Variants in ST8SIA2 observed in about 807,000 individuals in gnomAD.
The protein encoded by ST8SIA2 is alpha-2,8-sialyltransferase 8B.
ST8SIA2 carries 22 observed loss-of-function variants against 37.6 expected under a neutral mutation model. The observed-to-expected ratio is 0.58, with a 90% CI of 0.42 to 0.83. The LOEUF (loss-of-function observed/expected upper bound fraction) is 0.83. Among genes scored for constraint, ST8SIA2 ranks in the 40% least tolerant of loss-of-function variants. The pLI is 0.00. For missense variants in ST8SIA2, 382 were observed against 484.7 expected, an observed-to-expected ratio of 0.79 and a Z score of 1.99; for synonymous variants, 205 against 201.2, an observed-to-expected ratio of 1.02 and a Z score of -0.16.
chr15:92,397,081 C>T (rs1197809210), intron 1 of ST8SIA2, among the ~76,000 whole-genome samples: 1 of 152,156 alleles, frequency 6.6e-6, no homozygotes, highest in Non-Finnish European at 1.5e-5. Context: ...AAAAGGATGG[C>T]TGTTTCTGGA....
At chr15:92,425,076 TTTCAGCACTCTATAAA>T (rs146877780) in intron 1 of ST8SIA2, among the ~76,000 whole-genome samples, 62,367 of 151,996 alleles carry the variant, frequency 0.41, 14,159 homozygotes, top group East Asian at 0.69. Flanking sequence ...GTTTCTACAA[TTTCAGCACTCTATAAA>T]TTATCTTTAG....
At chr15:92,452,248 T>C (rs2049887068) in intron 5 of ST8SIA2, among the ~76,000 whole-genome samples, 1 of 152,120 alleles carries the variant, frequency 6.6e-6, no homozygotes, top group Admixed American at 6.6e-5. Context: ...AGACGCACAT[T>C]CTCAGGCCCA....
rs1489812090 is a variant in ST8SIA2 at position 92,394,141 on chromosome 15, C to A, written c.77C>A (p.Ser26Ter). 1 of 1,558,768 alleles carries A rather than the reference C, an allele frequency of 6.4e-7. No homozygotes were observed. Among genetic ancestry groups the A allele is most frequent in the Non-Finnish European group, 8.7e-7 (1 of 1,150,226 alleles). The change falls in exon 1 of 6, where the codon TCA becomes TAA. Residue 26 changes from serine to a stop codon, truncating the protein, a stop_gained. Transcript: ENST00000268164. LOFTEE classifies it high-confidence loss of function. ...GTCTTCCTCATCTTCGCAGACATCT[C>A]AGAGATCGAAGAAGAAATCGGGTAA... Reference protein sequence around the residue: ...LVVFLIFADISEIEEEIGNSG... With the variant: ...LVVFLIFADI
chr15:92,403,115 G>C (rs548830423), intron 1 of ST8SIA2, among the ~76,000 whole-genome samples: 1 of 152,266 alleles, frequency 6.6e-6, no homozygotes, highest in East Asian at 1.9e-4. Context: ...ATTCTGCTGA[G>C]AGCTCACATG....
intron 1 of ST8SIA2, among the ~76,000 whole-genome samples, chr15:92,407,998 G>A (rs771633537): frequency 5.9e-5 from 9 of 152,024 alleles, no homozygotes; most frequent in Non-Finnish European, 8.8e-5. Context: ...TCTTCTCCCC[G>A]ATAGTCATTA....
At chr15:92,438,205 T>C in intron 3 of ST8SIA2, 148 bp from the exon 4 acceptor site, 1 of 1,210,856 alleles carries the variant, frequency 8.3e-7, no homozygotes, top group Non-Finnish European at 1.2e-6. Context: ...CTGGAACCTG[T>C]TCTCGAGGGC....
intron 1 of ST8SIA2, among the ~76,000 whole-genome samples, chr15:92,416,648 C>T (rs535302048): frequency 1.2e-4 from 18 of 152,238 alleles, no homozygotes; most frequent in South Asian, 1.0e-3. Flanking sequence ...CCGTTGGACC[C>T]GCTCCAGGAG....
intron 5 of ST8SIA2, among the ~76,000 whole-genome samples, chr15:92,445,768 G>A (rs1211137990): frequency 1.3e-5 from 2 of 152,172 alleles, no homozygotes; most frequent in Admixed American, 1.3e-4. Context: ...AAAACAAATA[G>A]GAAATGTTGA....
rs2049739400 is a variant in ST8SIA2 at position 92,434,329 on chromosome 15, G to A, written c.244G>A (p.Ala82Thr). 3 of 1,614,062 alleles carry A rather than the reference G, an allele frequency of 1.9e-6. No individual in the cohort carries two copies. Among genetic ancestry groups the A allele is most frequent in the Non-Finnish European group, 2.5e-6 (3 of 1,180,042 alleles). ...NESIKHNIQP[A>T]SSKWRHNQTL... ...AAGCATCAAGCACAACATCCAGCCA[G>A]CCTCGTCCAAATGGAGACATAACCA... The change falls in exon 3 of 6, where the codon GCC becomes ACC. Residue 82 changes from alanine to threonine, a missense_variant. Ala to Thr is a moderately conservative substitution (Grantham distance 58). Transcript: ENST00000268164.
At chr15:92,462,629 G>T (rs139084667) in intron 5 of ST8SIA2, among the ~76,000 whole-genome samples, 1 of 152,158 alleles carries the variant, frequency 6.6e-6, no homozygotes, top group African/African-American at 2.4e-5. Flanking sequence ...ACAGTCACAT[G>T]CATCTCTGTG....
Position 92,444,898 on chromosome 15 carries a change from C to A in ST8SIA2, c.811C>A (p.Pro271Thr). ...CCACGTCAACGTGCGCACTGCATAC[C>A]CCTCGCTGCGCCTGCTGCACGCCGT... is the stretch of plus-strand genomic sequence containing the variant. ...KHHVNVRTAY[P>T]SLRLLHAVRG... Residue 271 changes from proline (P) to threonine (T), a missense_variant, in exon 5 of 6, where the codon CCC becomes ACC. Coordinates refer to ENST00000268164, the MANE Select transcript of ST8SIA2 (RefSeq NM_006011.4). 1 of 1,612,926 alleles carries A rather than the reference C, an allele frequency of 6.2e-7. No homozygotes were observed. Among genetic ancestry groups the A allele is most frequent in the Non-Finnish European group, 8.5e-7 (1 of 1,180,036 alleles).
chr15:92,429,842 G>A (rs1011464512), intron 1 of ST8SIA2, among the ~76,000 whole-genome samples: 5 of 152,202 alleles, frequency 3.3e-5, no homozygotes, highest in African/African-American at 1.2e-4. Flanking sequence ...TGGGGAGAGG[G>A]GCAGGGGAGG....
At position 92,413,363 on chromosome 15, in the gene ST8SIA2, C is replaced by T. The variant is rs184282759; in HGVS notation, c.99-16686C>T. Among the ~76,000 whole-genome samples, 224 of 152,254 alleles carry T rather than the reference C, an allele frequency of 1.5e-3. 1 individual carries two copies. The highest frequency in any genetic ancestry group is 5.1e-3 in the African/African-American group (210 of 41,544). The stretch of plus-strand genomic sequence containing the variant: ...ACCTTTTTTACTCTTCACAGTTCAC[C>T]CTTCTGAAGGAGTGAGGAAACTCAG... On this transcript the variant is annotated intron_variant, in intron 1 of 5. Transcript: ENST00000268164.
chr15:92,465,874 T>C lies in ST8SIA2; in HGVS notation c.*1489T>C, dbSNP rs1416632162. The stretch of plus-strand genomic sequence containing the variant: ...AGGGGCTGGAATCACAGGTCTCACA[T>C]AGAGAAATAGCCAGCTTGAATTTGT... On this transcript the variant is annotated 3_prime_UTR_variant, in exon 6 of 6. Transcript: ENST00000268164. The C allele has an allele frequency of 6.6e-6, 1 of 152,166 alleles. No individual in the cohort carries two copies. Among genetic ancestry groups the C allele is most frequent in the Non-Finnish European group, 1.5e-5 (1 of 68,038 alleles). 9.4% of individuals were successfully genotyped at this position (152,166 alleles called of 1,614,324 possible). A position where few individuals can be genotyped will look rare whatever the true frequency, so the allele number is the denominator to read the frequency against.
At chr15:92,394,250 T>TGCGCC (rs2049412817) in intron 1 of ST8SIA2, 88 bp downstream of exon 1, 1 of 1,167,654 alleles carries the variant, frequency 8.6e-7, no homozygotes, top group Admixed American at 2.0e-5. Context: ...CCCCTTTGTG[T>TGCGCC]GCGCCGCGCC....
rs1292976983 is a variant in ST8SIA2 at position 92,464,500 on chromosome 15, A to T, written c.*115A>T. 6 of 1,197,716 alleles carry T rather than the reference A, an allele frequency of 5.0e-6. No individual in the cohort carries two copies. Among genetic ancestry groups the T allele is most frequent in the Admixed American group, 1.8e-5 (1 of 57,072 alleles). The allele number at this position is 1,197,716 out of a possible 1,614,324, so 74.2% of individuals were successfully genotyped here. A position where few individuals can be genotyped will look rare whatever the true frequency, so the allele number is the denominator to read the frequency against. On this transcript the variant is annotated 3_prime_UTR_variant, in exon 6 of 6. Coordinates refer to ENST00000268164, the MANE Select transcript of ST8SIA2 (RefSeq NM_006011.4). The stretch of plus-strand genomic sequence containing the variant: ...AAGCAGGCTAGTGGTTTTCTTTGTT[A>T]AAGTGTAAAACAGTGACCAGAATAT...
rs188085478 is a variant in ST8SIA2, at chr15:92,409,103, G to A, written c.98+14941G>A. The stretch of plus-strand genomic sequence containing the variant: ...GTTTAAGTAAGTATTCCTAACAGGC[G>A]AATCCGCAGTTCTATATGGGCTCTG... On this transcript the variant is annotated intron_variant, in intron 1 of 5. Coordinates refer to ENST00000268164, the MANE Select transcript of ST8SIA2 (RefSeq NM_006011.4). Among the ~76,000 whole-genome samples, 32 of 152,288 alleles carry A rather than the reference G, an allele frequency of 2.1e-4. 1 individual carries two copies. The highest frequency in any genetic ancestry group is 7.2e-4 in the African/African-American group (30 of 41,566).
At chr15:92,405,970 C>T (rs527373376) in intron 1 of ST8SIA2, among the ~76,000 whole-genome samples, 1 of 152,172 alleles carries the variant, frequency 6.6e-6, no homozygotes, top group Admixed American at 6.5e-5. Flanking sequence ...CTCCCAGACG[C>T]AGCTTCCAGA....
At chr15:92,406,810 A>G (rs867709426) in intron 1 of ST8SIA2, among the ~76,000 whole-genome samples, 2 of 152,158 alleles carry the variant, frequency 1.3e-5, no homozygotes, top group Non-Finnish European at 2.9e-5. Flanking sequence ...AGTCTGGGCA[A>G]CATGGCGAAA....
Sources: gnomAD v4.1 joint callset for allele counts (sites outside exome capture counted in the v4.1 genomes callset) on GRCh38, gnomAD v4.1.1 for gene constraint, MANE v1.5 for transcripts, NCBI Gene and HGNC (gene_info 2026-07-23, HGNC 2026-07-21) for gene names.